Variants in TYMS observed in about 807,000 individuals in gnomAD.
TYMS encodes thymidylate synthase.
A neutral mutation model predicts 39.3 loss-of-function variants in TYMS; 21 were observed. The ratio of observed to expected loss-of-function variants is 0.54; its 90% CI spans 0.38 to 0.77. The LOEUF is 0.77. Among genes scored for constraint, TYMS ranks in the 30% least tolerant of loss-of-function variants. The pLI, the probability that TYMS is intolerant of heterozygous loss-of-function variation, is 0.00. For synonymous variants in TYMS, 171 were observed against 162.2 expected (o/e 1.05, Z -0.41); for missense variants, 273 against 406.7 (o/e 0.67, Z 2.83).
chr18:664,746 A>C (rs2074791909), intron 3 of TYMS, among the ~76,000 whole-genome samples: 1 of 150,810 alleles, frequency 6.6e-6, no homozygotes, highest in Non-Finnish European at 1.5e-5. Context: ...GAATTTTGTC[A>C]AAGGCCTTTT....
chr18:670,992 A>T (rs2075017413), intron 5 of TYMS, 125 bp downstream of exon 5: 4 of 1,220,614 alleles, frequency 3.3e-6, no homozygotes, highest in Non-Finnish European at 4.5e-6. Context: ...TGTGTAAGTA[A>T]GAAATGAACC....
chr18:668,202 T>A (rs1451958904), intron 3 of TYMS, among the ~76,000 whole-genome samples: 1 of 151,892 alleles, frequency 6.6e-6, no homozygotes, highest in African/African-American at 2.4e-5. Flanking sequence ...TACAATCAAG[T>A]TACAGAACTA....
intron 3 of TYMS, among the ~76,000 whole-genome samples, chr18:667,499 AGATGGTGATGGT>A (rs1408203595): frequency 9.8e-5 from 1 of 10,184 alleles, no homozygotes; most frequent in African/African-American, 7.7e-4. Flanking sequence ...ATGGTGATGG[AGATGGTGATGGT>A]GATGGTGATG....
intron 6 of TYMS, chr18:672,382 G>C (rs1486229240): frequency 6.5e-6 from 1 of 153,170 alleles, no homozygotes; most frequent in East Asian, 1.9e-4. Context: ...CATAGTAATA[G>C]GTTGTGACCT....
rs2074748467 is a variant in TYMS, at chr18:660,687, G to C, written c.279+973G>C. Among the ~76,000 whole-genome samples the C allele has an allele frequency of 6.6e-6, 1 of 152,212 alleles. No individual in the cohort carries two copies. The highest frequency in any genetic ancestry group is 1.5e-5 in the Non-Finnish European group (1 of 68,032). On this transcript the variant is annotated intron_variant, in intron 2 of 6. Transcript: ENST00000323274. The surrounding 1 kb of genome is among the most constrained non-coding windows in gnomAD (Gnocchi z 4.6). The stretch of plus-strand genomic sequence containing the variant: ...GAGTAGGTACCTCAGGCCGGGGCCA[G>C]AGTGCTGTGAAGACAGGCAGCAGCC...
intron 3 of TYMS, among the ~76,000 whole-genome samples, chr18:667,424 TGATGGA>T (rs1567990558): frequency 0.011 from 32 of 2,858 alleles, 6 homozygotes; most frequent in Non-Finnish European, 0.019. Context: ...ATGGTGATGG[TGATGGA>T]GATGGTGATG....
chr18:672,677 C>T (rs1255769025), intron 6 of TYMS, 183 bp from the exon 7 acceptor site: 3 of 549,040 alleles, frequency 5.5e-6, no homozygotes, highest in Non-Finnish European at 9.3e-6. Flanking sequence ...TCGATCTGTG[C>T]AAGAGAACAG....
chr18:665,898 G>T (rs1258361680), intron 3 of TYMS, among the ~76,000 whole-genome samples: 4 of 97,870 alleles, frequency 4.1e-5, no homozygotes, highest in Non-Finnish European at 7.6e-5. Context: ...TATAATTTCT[G>T]TTCTTTTACA....
chr18:657,727 C>A lies in TYMS; in HGVS notation c.-16C>A. 7.5e-7 allele frequency: 1 copy of A among 1,335,336 alleles called. No individual in the cohort carries two copies. The highest frequency in any genetic ancestry group is 9.5e-7 in the Non-Finnish European group (1 of 1,050,656). 82.7% of individuals were successfully genotyped at this position (1,335,336 alleles called of 1,614,324 possible). A position where few individuals can be genotyped will look rare whatever the true frequency, so the allele number is the denominator to read the frequency against. ...CCGCGCCACTTCGCCTGCCTCCGTC[C>A]CCCGCCCGCCGCGCCATGCCTGTGG... On this transcript the variant is annotated 5_prime_UTR_variant, in exon 1 of 7. Coordinates refer to ENST00000323274, the MANE Select transcript of TYMS (RefSeq NM_001071.4).
Position 660,946 on chromosome 18 carries a change from CT to C in TYMS, c.280-1198del, listed in dbSNP as rs1430140588. Among the ~76,000 whole-genome samples, 3 of 152,294 alleles carry C rather than the reference CT, an allele frequency of 2.0e-5. No individual in the cohort carries two copies. In the East Asian group the frequency reaches 5.8e-4, roughly 29 times the overall value. On this transcript the variant is annotated intron_variant, in intron 2 of 6. Coordinates refer to ENST00000323274, the MANE Select transcript of TYMS (RefSeq NM_001071.4). This position sits in a 1 kb window ranked among gnomAD's most constrained non-coding sequence, Gnocchi z 4.6. ...AATTTGGATCCAGCCCCAGGTCTGCCTTAGCTCTGTATTCTTGGGGTATTTT... is the reference window on the plus strand; with the variant it reads ...AATTTGGATCCAGCCCCAGGTCTGCCTAGCTCTGTATTCTTGGGGTATTTT...
rs1201662865 is a variant in TYMS, at chr18:658,494, G to C, written c.205+547G>C. 2 of 383,786 alleles carry C rather than the reference G, an allele frequency of 5.2e-6. No individual in the cohort carries two copies. The highest frequency in any genetic ancestry group is 9.3e-6 in the Non-Finnish European group (2 of 214,484). The allele number at this position is 383,786 out of a possible 1,614,324, so 23.8% of individuals were successfully genotyped here. On this transcript the variant is annotated intron_variant, in intron 1 of 6. Coordinates refer to ENST00000323274, the MANE Select transcript of TYMS (RefSeq NM_001071.4). The surrounding 1 kb of genome is among the most constrained non-coding windows in gnomAD (Gnocchi z 4.5). ...CCTCCCATCCAATCCCCACGAACCA[G>C]CTTTCCTCTTAAACCTTGAAAAGAG...
chr18:672,720 C>T (rs1033822346), intron 6 of TYMS, 140 bp from the exon 7 acceptor site: 17 of 911,134 alleles, frequency 1.9e-5, no homozygotes, highest in South Asian at 2.5e-5. Flanking sequence ...ACATAACCTA[C>T]GGCAAGGTAT....
rs1170499848 is a variant in TYMS at position 658,308 on chromosome 18, C to G, written c.205+361C>G. 26 of 1,384,336 alleles carry G rather than the reference C, an allele frequency of 1.9e-5. No individual in the cohort carries two copies. In the Middle Eastern group the frequency reaches 5.8e-4, roughly 31 times the overall value. The allele number at this position is 1,384,336 out of a possible 1,614,324, so 85.8% of individuals were successfully genotyped here. ...GAGCTGCCTGGGCTTGACCGCGCGC[C>G]GGTCTCAAAGTCCTGGCTTTGGCCC... is the stretch of plus-strand genomic sequence containing the variant. On this transcript the variant is annotated intron_variant, in intron 1 of 6. Coordinates refer to ENST00000323274, the MANE Select transcript of TYMS (RefSeq NM_001071.4). This position sits in a 1 kb window ranked among gnomAD's most constrained non-coding sequence, Gnocchi z 4.5.
chr18:664,192 T>C (rs551407871), intron 3 of TYMS, among the ~76,000 whole-genome samples: 1 of 152,162 alleles, frequency 6.6e-6, no homozygotes, highest in South Asian at 2.1e-4. Context: ...TTTTATTTCA[T>C]TGAGCAGTGG....
chr18:662,308 G>A lies in TYMS; in HGVS notation c.442G>A (p.Asp148Asn). 1.2e-6 allele frequency: 2 copies of A among 1,610,878 alleles called. No homozygotes were observed. The highest frequency in any genetic ancestry group is 1.7e-6 in the Non-Finnish European group (2 of 1,179,086). Reference sequence around the variant, plus strand: ...GAGGCATTTTGGGGCAGAATACAGAGATATGGAATCAGGTGAGGAGATAGA... The same window carrying A: ...GAGGCATTTTGGGGCAGAATACAGAAATATGGAATCAGGTGAGGAGATAGA... ...QWRHFGAEYR[D>N]MESDYSGQGV... The change falls in exon 3 of 7, where the codon GAT (aspartate) becomes AAT (asparagine). Residue 148 changes from aspartate to asparagine, a missense_variant. Asp to Asn is a conservative substitution (Grantham distance 23). Around this residue, in one of 3 missense-constraint regions of TYMS, gnomAD observed 228 missense variants for 326.1 expected, o/e 0.70. Transcript: ENST00000323274.
At position 673,180 on chromosome 18, in the gene TYMS, T is replaced by C. The variant is rs2075146519; in HGVS notation, c.*183T>C. On this transcript the variant is annotated 3_prime_UTR_variant, in exon 7 of 7. Transcript: ENST00000323274. ...AATGTAACTGTGCCAGTTCTTTCCATAATAAAAGGCTTTGAGTTAACTCAC... is the reference window on the plus strand; with the variant it reads ...AATGTAACTGTGCCAGTTCTTTCCACAATAAAAGGCTTTGAGTTAACTCAC... 1 of 560,672 alleles carries C rather than the reference T, an allele frequency of 1.8e-6. No individual in the cohort carries two copies. Among genetic ancestry groups the C allele is most frequent in the African/African-American group, 1.8e-5 (1 of 54,138 alleles). The allele number at this position is 560,672 out of a possible 1,614,324, so 34.7% of individuals were successfully genotyped here.
At chr18:671,534 T>A in intron 6 of TYMS, 83 bp downstream of exon 6, 2 of 898,176 alleles carry the variant, frequency 2.2e-6, no homozygotes, top group South Asian at 2.7e-5. Flanking sequence ...TGCTCAATGC[T>A]GTGTCCAAGA....
intron 1 of TYMS, among the ~76,000 whole-genome samples, chr18:659,177 G>A (rs4987088): frequency 0.023 from 3,513 of 152,254 alleles, 135 homozygotes; most frequent in African/African-American, 0.081. Context: ...AATATAAACT[G>A]TACCACAAGC....
chr18:672,747 C>A, intron 6 of TYMS, 113 bp from the exon 7 acceptor site: 1 of 1,244,022 alleles, frequency 8.0e-7, no homozygotes, highest in Non-Finnish European at 1.1e-6. Flanking sequence ...GATCATACTC[C>A]TGTAAAATAG....
Sources: gnomAD v4.1 joint callset for allele counts (sites outside exome capture counted in the v4.1 genomes callset) on GRCh38, gnomAD v4.1.1 for gene constraint, gnomAD v4.1.1 regional missense constraint, Gnocchi (gnomAD v3.1) non-coding constraint, MANE v1.5 for transcripts, NCBI Gene and HGNC (gene_info 2026-07-23, HGNC 2026-07-21) for gene names.